The following CACYBP variants were observed in gnomAD, a reference collection of about 807,000 sequenced individuals.
CACYBP encodes calcyclin-binding protein.
CACYBP carries 11 observed loss-of-function variants against 29.6 expected under a neutral mutation model. The ratio of observed to expected loss-of-function variants is 0.37; its 90% CI spans 0.23 to 0.61. The LOEUF is 0.61. Among genes scored for constraint, CACYBP ranks in the 20% least tolerant of loss-of-function variants. CACYBP has a pLI of 0.65. For missense variants in CACYBP, 163 were observed against 260.7 expected, an observed-to-expected ratio of 0.63 and a Z score of 2.58; for synonymous variants, 73 against 88.3, an observed-to-expected ratio of 0.83 and a Z score of 0.97.
intron 4 of CACYBP, 40 bp from the exon 5 acceptor site, chr1:175,008,569 T>C: frequency 1.1e-6 from 1 of 882,592 alleles, no homozygotes; most frequent in African/African-American, 1.7e-5. Flanking sequence ...CTTATCTCCA[T>C]GTCTTCTAAG....
intron 5 of CACYBP, among the ~76,000 whole-genome samples, chr1:175,009,366 CCAGGTGGGGTGGCTCACGCCTGTA>C: frequency 6.6e-6 from 1 of 152,126 alleles, no homozygotes; most frequent in East Asian, 1.9e-4. Context: ...TCACAGGAGG[CCAGGTGGGGTGGCTCACGCCTGTA>C]ATCCTAGCAC....
intron 4 of CACYBP, 140 bp downstream of exon 4, chr1:175,007,337 A>T (rs1672645098): frequency 3.2e-6 from 2 of 616,662 alleles, no homozygotes; most frequent in South Asian, 4.0e-5. Context: ...TTATTGGGAC[A>T]TAGCCAGGCT....
chr1:175,009,605 C>T (rs1350709165), intron 5 of CACYBP, among the ~76,000 whole-genome samples: 1 of 146,164 alleles, frequency 6.8e-6, no homozygotes, highest in East Asian at 2.0e-4. Flanking sequence ...CGAGATGCGC[C>T]ACTGCACTCC....
chr1:175,000,499 G>T (rs2149409262), intron 1 of CACYBP: 11 of 1,298,102 alleles, frequency 8.5e-6, no homozygotes, highest in Non-Finnish European at 8.8e-6. Flanking sequence ...TGTTCCTCAG[G>T]CCCTTTCTGC....
chr1:175,000,455 G>C, intron 1 of CACYBP: 1 of 1,375,488 alleles, frequency 7.3e-7, no homozygotes, highest in Non-Finnish European at 9.4e-7. Context: ...CAGGCGGTGC[G>C]GGGAGTGGGT....
chr1:175,005,686 T>C lies in CACYBP; in HGVS notation c.235+853T>C, dbSNP rs150989456. On this transcript the variant is annotated intron_variant, in intron 2 of 5. Transcript: ENST00000367679. ...GCTTAAGAGATGTACTATATAGTAA[T>C]ATAGGAAATTGCACCGTGTACTCAG... is the stretch of plus-strand genomic sequence containing the variant. Among the ~76,000 whole-genome samples, 55 of 152,268 alleles carry C rather than the reference T, an allele frequency of 3.6e-4. 1 individual carries two copies. The highest frequency in any genetic ancestry group is 1.3e-3 in the African/African-American group (53 of 41,572).
Position 175,000,032 on chromosome 1 carries a change from G to C in CACYBP, c.-149G>C, listed in dbSNP as rs1459742629. On this transcript the variant is annotated 5_prime_UTR_variant, in exon 1 of 6. Coordinates refer to ENST00000367679, the MANE Select transcript of CACYBP (RefSeq NM_014412.3). The stretch of plus-strand genomic sequence containing the variant: ...CCGTCGCGTGCGGGAGGCGGGCCGC[G>C]ATCTTGCGCAGGGTCGGTGTGGGCG... 3.7e-5 allele frequency: 43 copies of C among 1,159,884 alleles called. No individual in the cohort carries two copies. Among genetic ancestry groups the C allele is most frequent in the Non-Finnish European group, 5.2e-5 (42 of 803,782 alleles). 71.8% of individuals were successfully genotyped at this position (1,159,884 alleles called of 1,614,324 possible).
chr1:175,010,128 G>C lies in CACYBP; in HGVS notation c.*49G>C. ...TGTGATGTGATGTGGAAATACTGATGTTTCCAGTAAGGGAATATTGGTGAG... is the reference window on the plus strand; with the variant it reads ...TGTGATGTGATGTGGAAATACTGATCTTTCCAGTAAGGGAATATTGGTGAG... On this transcript the variant is annotated 3_prime_UTR_variant, in exon 6 of 6. Transcript: ENST00000367679. The C allele has an allele frequency of 6.7e-7, 1 of 1,485,720 alleles. No homozygotes were observed. Among genetic ancestry groups the C allele is most frequent in the Non-Finnish European group, 9.3e-7 (1 of 1,075,384 alleles). 92.0% of individuals were successfully genotyped at this position (1,485,720 alleles called of 1,614,324 possible).
chr1:175,001,083 T>C (rs1160645161), intron 1 of CACYBP, among the ~76,000 whole-genome samples: 1 of 152,250 alleles, frequency 6.6e-6, no homozygotes, highest in Non-Finnish European at 1.5e-5. Flanking sequence ...TTTTTGTTTT[T>C]TAAACTCAAA....
chr1:175,004,397 A>G (rs1672563963), intron 1 of CACYBP, among the ~76,000 whole-genome samples: 1 of 152,216 alleles, frequency 6.6e-6, no homozygotes, highest in South Asian at 2.1e-4. Context: ...TGTTTGTTCA[A>G]GATTGTTCAA....
In CACYBP at chr1:175,007,310, C is replaced by T. The variant is rs984882977; in HGVS notation, c.432+113C>T. ...TTGTCCTCTGTAACAGGGACCACCG[C>T]CTGTTTTGTGAATGTTTTATTGGGA... is the stretch of plus-strand genomic sequence containing the variant. On this transcript the variant is annotated intron_variant, in intron 4 of 5. Transcript: ENST00000367679. 5.7e-5 allele frequency: 37 copies of T among 651,290 alleles called. No homozygotes were observed. The African/African-American group carries it at 5.7e-4, about 10-fold the overall frequency. 40.3% of individuals were successfully genotyped at this position (651,290 alleles called of 1,614,324 possible). A position where few individuals can be genotyped will look rare whatever the true frequency, so the allele number is the denominator to read the frequency against.
At chr1:175,004,327 C>T (rs1220750976) in intron 1 of CACYBP, among the ~76,000 whole-genome samples, 2 of 152,076 alleles carry the variant, frequency 1.3e-5, no homozygotes, top group Non-Finnish European at 2.9e-5. Flanking sequence ...AGGTCGCAGA[C>T]GTTTCTTGTA....
At chr1:175,006,685 G>A in intron 2 of CACYBP, 60 bp from the exon 3 acceptor site, 1 of 806,174 alleles carries the variant, frequency 1.2e-6, no homozygotes, top group East Asian at 2.5e-5. Flanking sequence ...ATGTGCATTT[G>A]CTGTTCTAAA....
chr1:175,008,967 G>A (rs1984418), intron 5 of CACYBP: 251,384 of 349,004 alleles, frequency 0.72, 92,176 homozygotes, highest in African/African-American at 0.94. Flanking sequence ...AGTTTGAGAG[G>A]GGCTTAGGTA....
In CACYBP at chr1:175,011,965, A is replaced by G. The variant is rs1672768775; in HGVS notation, c.*1886A>G. On this transcript the variant is annotated 3_prime_UTR_variant, in exon 6 of 6. Coordinates refer to ENST00000367679, the MANE Select transcript of CACYBP (RefSeq NM_014412.3). Reference sequence around the variant, plus strand: ...TGAAAATAAAAAAAACTAGCTGGGCATGGTGGCAGATGCCTGTAACTCCAG... The same window carrying G: ...TGAAAATAAAAAAAACTAGCTGGGCGTGGTGGCAGATGCCTGTAACTCCAG... Among the ~76,000 whole-genome samples, 1 of 152,172 alleles carries G rather than the reference A, an allele frequency of 6.6e-6. No homozygotes were observed. Among genetic ancestry groups the G allele is most frequent in the South Asian group, 2.1e-4 (1 of 4,832 alleles).
rs1409593312 is a variant in CACYBP at position 175,010,268 on chromosome 1, C to G, written c.*189C>G. 1 of 462,566 alleles carries G rather than the reference C, an allele frequency of 2.2e-6. No individual in the cohort carries two copies. The highest frequency in any genetic ancestry group is 3.4e-5 in the East Asian group (1 of 29,038). 28.7% of individuals were successfully genotyped at this position (462,566 alleles called of 1,614,324 possible). On this transcript the variant is annotated 3_prime_UTR_variant, in exon 6 of 6. Coordinates refer to ENST00000367679, the MANE Select transcript of CACYBP (RefSeq NM_014412.3). ...AATAAAATATGCTTATTAAACACTCCTGCAAAGATGGTTTTATTAGTACCC... is the reference window on the plus strand; with the variant it reads ...AATAAAATATGCTTATTAAACACTCGTGCAAAGATGGTTTTATTAGTACCC...
At chr1:175,008,016 C>G (rs923231036) in intron 4 of CACYBP, among the ~76,000 whole-genome samples, 5 of 152,126 alleles carry the variant, frequency 3.3e-5, no homozygotes, top group Non-Finnish European at 7.3e-5. Context: ...TCTTACTGCA[C>G]CCTTCTGCAT....
chr1:175,009,155 T>A (rs1250335970), intron 5 of CACYBP, among the ~76,000 whole-genome samples: 1 of 152,206 alleles, frequency 6.6e-6, no homozygotes, highest in East Asian at 1.9e-4. Flanking sequence ...ACTAAATTAA[T>A]TCAAGACCCA....
chr1:175,009,719 T>A (rs1672703144), intron 5 of CACYBP, among the ~76,000 whole-genome samples: 1 of 152,114 alleles, frequency 6.6e-6, no homozygotes, highest in African/African-American at 2.4e-5. Context: ...GATGACCTCT[T>A]TCGTGCACCA....
Sources: gnomAD v4.1 joint callset for allele counts (sites outside exome capture counted in the v4.1 genomes callset) on GRCh38, gnomAD v4.1.1 for gene constraint, MANE v1.5 for transcripts, NCBI Gene and HGNC (gene_info 2026-07-23, HGNC 2026-07-21) for gene names.